The following BICD1 variants were observed in gnomAD, a reference collection of about 807,000 sequenced individuals.
BICD1 encodes the protein protein bicaudal D homolog 1.
In BICD1, 35 loss-of-function variants were observed where a neutral mutation model predicts 92.5. That is an observed-to-expected ratio of 0.38 (90% CI 0.29 to 0.50). BICD1 has a LOEUF of 0.50. Ranked by LOEUF, BICD1 falls within the 20% of genes least tolerant of loss-of-function variation. BICD1 has a pLI of 0.93. For synonymous variants in BICD1, 429 were observed against 465.1 expected (o/e 0.92, Z 1.00); for missense variants, 950 against 1,189.8 (o/e 0.80, Z 2.97).
intron 1 of BICD1, among the ~76,000 whole-genome samples, chr12:32,215,694 A>AATC (rs1165430242): frequency 1.3e-5 from 2 of 152,112 alleles, no homozygotes; most frequent in African/African-American, 2.4e-5. Flanking sequence ...TTATGCCTGT[A>AATC]ATCCCAGAAC....
chr12:32,282,280 A>G (rs1947438167), intron 2 of BICD1, among the ~76,000 whole-genome samples: 2 of 129,534 alleles, frequency 1.5e-5, no homozygotes, highest in African/African-American at 6.1e-5. Context: ...GAGTGCAGTG[A>G]CATGGTCTCG....
At chr12:32,274,396 C>A (rs1422033282) in intron 2 of BICD1, among the ~76,000 whole-genome samples, 1 of 152,098 alleles carries the variant, frequency 6.6e-6, no homozygotes, top group African/African-American at 2.4e-5. Flanking sequence ...TAGTCAGGGT[C>A]ACAGATATTG....
chr12:32,269,494 T>C (rs1340469423), intron 2 of BICD1, among the ~76,000 whole-genome samples: 3 of 152,226 alleles, frequency 2.0e-5, no homozygotes, highest in African/African-American at 7.2e-5. Context: ...TTTACTAGTC[T>C]GTACTTAACA....
At chr12:32,286,463 T>G (rs1947570397) in intron 2 of BICD1, among the ~76,000 whole-genome samples, 1 of 152,172 alleles carries the variant, frequency 6.6e-6, no homozygotes, top group Non-Finnish European at 1.5e-5. Context: ...AAAAAAAGAA[T>G]GTAATGAAAT....
chr12:32,193,532 T>A (rs779601372), intron 1 of BICD1, among the ~76,000 whole-genome samples: 1 of 152,166 alleles, frequency 6.6e-6, no homozygotes, highest in African/African-American at 2.4e-5. Context: ...ATACCTGTAT[T>A]ATAGCTAATA....
intron 1 of BICD1, among the ~76,000 whole-genome samples, chr12:32,111,492 A>G (rs58643895): frequency 1.3e-5 from 2 of 152,354 alleles, no homozygotes; most frequent in South Asian, 2.1e-4. Flanking sequence ...TCATATGGCA[A>G]GAAAAACCCC....
At chr12:32,323,728 T>C (rs1200517873) in intron 4 of BICD1, among the ~76,000 whole-genome samples, 3 of 152,214 alleles carry the variant, frequency 2.0e-5, no homozygotes, top group South Asian at 2.1e-4. Context: ...GGTTCTAATA[T>C]ATGTGATCAT....
At chr12:32,230,537 G>A (rs1945852027) in intron 2 of BICD1, among the ~76,000 whole-genome samples, 1 of 152,182 alleles carries the variant, frequency 6.6e-6, no homozygotes, top group Non-Finnish European at 1.5e-5. Flanking sequence ...TTCTAGAGAT[G>A]ATGGCAATGG....
intron 2 of BICD1, among the ~76,000 whole-genome samples, chr12:32,254,482 T>A (rs145742859): frequency 2.0e-5 from 3 of 152,356 alleles, no homozygotes; most frequent in Non-Finnish European, 2.9e-5. Context: ...AAAATTTAAA[T>A]CTCTTAACAG....
chr12:32,221,353 A>G (rs994139355), intron 2 of BICD1, among the ~76,000 whole-genome samples: 1 of 133,770 alleles, frequency 7.5e-6, no homozygotes, highest in Admixed American at 7.8e-5. Flanking sequence ...CACAAAAAAT[A>G]AAAAAATAAA....
chr12:32,118,324 G>A (rs956926200), intron 1 of BICD1, among the ~76,000 whole-genome samples: 2 of 151,384 alleles, frequency 1.3e-5, no homozygotes, highest in African/African-American at 2.4e-5. Context: ...CTTGTGATCC[G>A]CCCGCCTCGG....
chr12:32,116,488 C>T (rs998559640), intron 1 of BICD1, among the ~76,000 whole-genome samples: 179 of 125,940 alleles, frequency 1.4e-3, no homozygotes, highest in African/African-American at 3.4e-3. Context: ...CTCTCTCTCT[C>T]TCTTTCTCTC....
intron 4 of BICD1, among the ~76,000 whole-genome samples, chr12:32,322,627 C>T (rs765182878): frequency 5.9e-5 from 9 of 152,144 alleles, no homozygotes; most frequent in Non-Finnish European, 1.0e-4. Context: ...GAGTTGGGGA[C>T]TCCTGTTGTG....
chr12:32,174,246 T>C lies in BICD1; in HGVS notation c.214-42001T>C, dbSNP rs536331477. Among the ~76,000 whole-genome samples, 4 of 152,342 alleles carry C rather than the reference T, an allele frequency of 2.6e-5. No individual in the cohort carries two copies. In the East Asian group the frequency reaches 5.8e-4, roughly 22 times the overall value. On this transcript the variant is annotated intron_variant, in intron 1 of 9. Transcript: ENST00000652176. Reference sequence around the variant, plus strand: ...TCTGTTTTTTCCTTTTTAGCGTCTTTATTTTTTGTTTAACACAAAAACATC... The same window carrying C: ...TCTGTTTTTTCCTTTTTAGCGTCTTCATTTTTTGTTTAACACAAAAACATC...
In BICD1 at chr12:32,216,313, C is replaced by A; in HGVS notation, c.280C>A (p.Leu94Ile). 1 of 1,614,184 alleles carries A rather than the reference C, an allele frequency of 6.2e-7. No homozygotes were observed. The highest frequency in any genetic ancestry group is 8.5e-7 in the Non-Finnish European group (1 of 1,180,040). ...AGATGGAGAGACTCGGGAGGAAACG[C>A]TTCTGCAGGAGTCAGCATCGAAGGA... ...AEDGETREET[L>I]LQESASKEAY... Residue 94 changes from leucine (L) to isoleucine (I), a missense_variant, in exon 2 of 10, where the codon CTT (leucine) becomes ATT (isoleucine). This residue lies in a region of BICD1 where 202 missense variants were observed against 205.3 expected (regional missense o/e 0.98). Transcript: ENST00000652176.
At chr12:32,283,892 G>T (rs1480038958) in intron 2 of BICD1, among the ~76,000 whole-genome samples, 1 of 152,216 alleles carries the variant, frequency 6.6e-6, no homozygotes, top group Non-Finnish European at 1.5e-5. Flanking sequence ...CTGTGCCCCT[G>T]GAATTTTCAA....
chr12:32,271,473 G>T (rs1018240974), intron 2 of BICD1, among the ~76,000 whole-genome samples: 1 of 152,072 alleles, frequency 6.6e-6, no homozygotes, highest in South Asian at 2.1e-4. Flanking sequence ...CTATTTTATT[G>T]TTCCTGGCCC....
chr12:32,283,298 T>G (rs925694931), intron 2 of BICD1, among the ~76,000 whole-genome samples: 6 of 151,912 alleles, frequency 3.9e-5, no homozygotes, highest in Non-Finnish European at 8.8e-5. Context: ...TGACCAAATT[T>G]AGTTAATACC....
chr12:32,322,317 G>T (rs1948680616), intron 4 of BICD1, among the ~76,000 whole-genome samples: 1 of 152,146 alleles, frequency 6.6e-6, no homozygotes, highest in South Asian at 2.1e-4. Context: ...ATAGAAAGTA[G>T]TACTGTATAG....
Sources: gnomAD v4.1 joint callset for allele counts (sites outside exome capture counted in the v4.1 genomes callset) on GRCh38, gnomAD v4.1.1 for gene constraint, gnomAD v4.1.1 regional missense constraint, MANE v1.5 for transcripts, NCBI Gene and HGNC (gene_info 2026-07-23, HGNC 2026-07-21) for gene names.